LRRC37A2: variants seen among roughly 807,000 people sequenced by gnomAD.
LRRC37A2 encodes the protein leucine-rich repeat-containing protein 37A2.
A neutral mutation model predicts 68.8 loss-of-function variants in LRRC37A2; 9 were observed. The ratio of observed to expected loss-of-function variants is 0.13; its 90% CI spans 0.08 to 0.23. The LOEUF (loss-of-function observed/expected upper bound fraction) is 0.23. Ranked by LOEUF, LRRC37A2 falls within the 10% of genes least tolerant of loss-of-function variation. LRRC37A2 has a pLI of 1.00. For missense variants in LRRC37A2, 168 were observed against 950.4 expected, an observed-to-expected ratio of 0.18 and a Z score of 10.82; for synonymous variants, 63 against 367.6, an observed-to-expected ratio of 0.17 and a Z score of 9.48.
At chr17:46,931,961 A>G in the LRRC37A2 span, 1 of 926,174 alleles carries the variant, frequency 1.1e-6, no homozygotes, top group Non-Finnish European at 1.8e-6. Flanking sequence ...GGGGTGGTGT[A>G]GGGAGAAGTA....
At chr17:46,834,599 G>A in the LRRC37A2 span, among the ~76,000 whole-genome samples, 1 of 152,148 alleles carries the variant, frequency 6.6e-6, no homozygotes, top group African/African-American at 2.4e-5. Context: ...CTGGGCTGTA[G>A]GTAGGGGCTC....
chr17:46,911,451 A>G, the LRRC37A2 span: 2 of 152,264 alleles, frequency 1.3e-5, no homozygotes, highest in African/African-American at 4.8e-5. Flanking sequence ...GACCTGGTGT[A>G]TCTGATCCAA....
At chr17:46,910,445 C>T in the LRRC37A2 span, among the ~76,000 whole-genome samples, 1 of 152,186 alleles carries the variant, frequency 6.6e-6, no homozygotes, top group Non-Finnish European at 1.5e-5. Context: ...GCTCTAGTGA[C>T]TCTCACGGTG....
At chr17:46,708,647 A>G in the LRRC37A2 span, among the ~76,000 whole-genome samples, 2 of 149,750 alleles carry the variant, frequency 1.3e-5, no homozygotes, top group Admixed American at 1.3e-4. Context: ...ACCCATCACC[A>G]TGCCCGGCTA....
chr17:46,851,131 C>T, the LRRC37A2 span, among the ~76,000 whole-genome samples: 2 of 152,156 alleles, frequency 1.3e-5, no homozygotes, highest in African/African-American at 4.8e-5. The surrounding 1 kb of genome is among the most constrained non-coding windows in gnomAD (Gnocchi z 4.3). Flanking sequence ...GAAGAGACCG[C>T]ACTTGCCCGG....
chr17:46,928,863 G>A, the LRRC37A2 span, among the ~76,000 whole-genome samples: 1 of 152,116 alleles, frequency 6.6e-6, no homozygotes, highest in Non-Finnish European at 1.5e-5. Context: ...TCACAGCGAT[G>A]CTCAGAACTC....
chr17:46,496,739 A>AC, the LRRC37A2 span, among the ~76,000 whole-genome samples: 1 of 131,988 alleles, frequency 7.6e-6, no homozygotes, highest in Non-Finnish European at 1.6e-5. Flanking sequence ...AGATGGTGAA[A>AC]CCCCGTCTCT....
At chr17:46,925,731 T>G in the LRRC37A2 span, among the ~76,000 whole-genome samples, 75 of 152,300 alleles carry the variant, frequency 4.9e-4, no homozygotes, top group Non-Finnish European at 9.0e-4. Context: ...TTACTGGAAC[T>G]TTGAACCCAG....
chr17:46,833,602 C>T, the LRRC37A2 span, among the ~76,000 whole-genome samples: 1 of 152,144 alleles, frequency 6.6e-6, no homozygotes, highest in Non-Finnish European at 1.5e-5. Flanking sequence ...AGCCCTGCTT[C>T]CCTGGCTCAT....
chr17:46,543,892 G>T (rs1194400808), intron 8 of LRRC37A2, among the ~76,000 whole-genome samples: 1 of 149,094 alleles, frequency 6.7e-6, no homozygotes, highest in African/African-American at 2.6e-5. Flanking sequence ...CAAAGAGAGA[G>T]GGTTGCTTGT....
the LRRC37A2 span, chr17:46,932,368 A>G: frequency 2.8e-6 from 2 of 707,248 alleles, no homozygotes; most frequent in Non-Finnish European, 4.8e-6. Context: ...CTAGACCTAG[A>G]CAGAGAATCC....
At chr17:46,878,667 G>A in the LRRC37A2 span, among the ~76,000 whole-genome samples, 387 of 152,188 alleles carry the variant, frequency 2.5e-3, no homozygotes, top group Non-Finnish European at 4.2e-3. Context: ...CTCCACCCAG[G>A]CTCAGTGCTG....
chr17:46,937,415 A>C, the LRRC37A2 span: 1 of 152,330 alleles, frequency 6.6e-6, no homozygotes, highest in South Asian at 2.1e-4. Flanking sequence ...TATAGTATAA[A>C]ATATTCTAAT....
chr17:46,657,973 T>TA, the LRRC37A2 span, among the ~76,000 whole-genome samples: 26,232 of 46,578 alleles, frequency 0.56, 7,356 homozygotes, highest in Admixed American at 0.71. Flanking sequence ...TTTATTTATT[T>TA]TTTTTTTTTT....
chr17:46,972,730 G>C, the LRRC37A2 span, among the ~76,000 whole-genome samples: 1 of 152,144 alleles, frequency 6.6e-6, no homozygotes, highest in Non-Finnish European at 1.5e-5. Flanking sequence ...GGCTGACGCT[G>C]GCTACCCAAA....
At chr17:46,839,832 C>T in the LRRC37A2 span, among the ~76,000 whole-genome samples, 4 of 152,106 alleles carry the variant, frequency 2.6e-5, no homozygotes, top group African/African-American at 7.2e-5. Flanking sequence ...CAGCTTCATC[C>T]GTGTCCCTGC....
the LRRC37A2 span, among the ~76,000 whole-genome samples, chr17:46,778,462 A>G: frequency 1.3e-5 from 2 of 152,168 alleles, no homozygotes; most frequent in Non-Finnish European, 2.9e-5. Context: ...TCGGAGACTA[A>G]AGAGGCTGTG....
At chr17:46,990,435 A>G in the LRRC37A2 span, among the ~76,000 whole-genome samples, 1 of 152,156 alleles carries the variant, frequency 6.6e-6, no homozygotes, top group Non-Finnish European at 1.5e-5. Flanking sequence ...CACACTATTG[A>G]TGTTGTTGAA....
At chr17:46,969,930 G>T in the LRRC37A2 span, among the ~76,000 whole-genome samples, 1 of 152,090 alleles carries the variant, frequency 6.6e-6, no homozygotes, top group Non-Finnish European at 1.5e-5. Context: ...TGCCCCAGCT[G>T]CCCTGGTGAT....
Sources: gnomAD v4.1 joint callset for allele counts (sites outside exome capture counted in the v4.1 genomes callset) on GRCh38, gnomAD v4.1.1 for gene constraint, Gnocchi (gnomAD v3.1) non-coding constraint, MANE v1.5 for transcripts, NCBI Gene and HGNC (gene_info 2026-07-23, HGNC 2026-07-21) for gene names.